SEMA3A: variants seen among roughly 807,000 people sequenced by gnomAD.
The protein encoded by SEMA3A is semaphorin 3A, also known as semaphorin-3A.
SEMA3A carries 29 observed loss-of-function variants against 97.9 expected under a neutral mutation model. The observed-to-expected ratio is 0.30, with a 90% CI of 0.22 to 0.40. SEMA3A has a LOEUF of 0.40. Ranked by LOEUF, SEMA3A falls within the 10% of genes least tolerant of loss-of-function variation. SEMA3A has a pLI of 1.00. For missense variants in SEMA3A, 763 were observed against 951.3 expected (o/e 0.80, Z 2.60); for synonymous variants, 321 against 323.7 (o/e 0.99, Z 0.09).
At chr7:84,177,601 A>G (rs534870848) in intron 1 of SEMA3A, among the ~76,000 whole-genome samples, 11 of 152,214 alleles carry the variant, frequency 7.2e-5, no homozygotes, top group Non-Finnish European at 1.3e-4. Flanking sequence ...GTATATTGAG[A>G]AAAAAACCCT....
At chr7:84,003,438 T>A (rs986677205) in intron 11 of SEMA3A, among the ~76,000 whole-genome samples, 1 of 152,174 alleles carries the variant, frequency 6.6e-6, no homozygotes, top group Non-Finnish European at 1.5e-5. Context: ...TATACTATGA[T>A]GTGCAACTTA....
At chr7:84,216,387 G>A (rs1422143682) in intron 3 of SEMA3A, among the ~76,000 whole-genome samples, 1 of 152,184 alleles carries the variant, frequency 6.6e-6, no homozygotes, top group Non-Finnish European at 1.5e-5. Flanking sequence ...TTACAGGCGT[G>A]AGGTATGTCA....
intron 4 of SEMA3A, among the ~76,000 whole-genome samples, chr7:84,102,967 G>A (rs536618710): frequency 6.6e-6 from 1 of 151,536 alleles, no homozygotes; most frequent in African/African-American, 2.4e-5. Context: ...GGTTTTTTTT[G>A]ACAGTAACTA....
chr7:83,982,992 T>C (rs1461469438), intron 13 of SEMA3A, among the ~76,000 whole-genome samples: 2 of 152,010 alleles, frequency 1.3e-5, no homozygotes, highest in African/African-American at 4.8e-5. Context: ...TTATCTTCAT[T>C]AATATTATTA....
intron 1 of SEMA3A, among the ~76,000 whole-genome samples, chr7:84,476,826 T>C (rs1189057778): frequency 7.2e-5 from 11 of 152,122 alleles, no homozygotes; most frequent in Admixed American, 3.9e-4. Flanking sequence ...TTCACTGTGC[T>C]GACATTAAGT....
intron 6 of SEMA3A, among the ~76,000 whole-genome samples, chr7:84,027,957 T>C (rs1791607835): frequency 6.6e-6 from 1 of 152,218 alleles, no homozygotes; most frequent in Non-Finnish European, 1.5e-5. Flanking sequence ...CAAAAATCAT[T>C]TTCTAAAAGT....
At chr7:84,373,902 T>G (rs533017299) in intron 1 of SEMA3A, among the ~76,000 whole-genome samples, 1 of 152,350 alleles carries the variant, frequency 6.6e-6, no homozygotes, top group Non-Finnish European at 1.5e-5. Flanking sequence ...TTGTATTATA[T>G]TTTTTAACAA....
intron 4 of SEMA3A, among the ~76,000 whole-genome samples, chr7:84,072,238 T>TA (rs1277123306): frequency 5.9e-5 from 9 of 152,120 alleles, no homozygotes; most frequent in Admixed American, 4.6e-4. Context: ...GCCTTGTAAT[T>TA]CTTCACCTGA....
chr7:83,981,509 A>ACTAT, intron 13 of SEMA3A, 31 bp from the exon 14 acceptor site: 1 of 1,523,270 alleles, frequency 6.6e-7, no homozygotes. Flanking sequence ...TGTGACAAAA[A>ACTAT]CTATCTTGTC....
intron 3 of SEMA3A, among the ~76,000 whole-genome samples, chr7:84,224,592 T>A (rs1478485594): frequency 1.3e-5 from 2 of 152,118 alleles, no homozygotes; most frequent in South Asian, 2.1e-4. Context: ...CTATACACAA[T>A]CCATTAAACA....
intron 12 of SEMA3A, among the ~76,000 whole-genome samples, chr7:83,987,665 T>G (rs912247576): frequency 2.2e-4 from 33 of 152,340 alleles, no homozygotes; most frequent in African/African-American, 7.7e-4. Context: ...TTTGCATGAA[T>G]GAATAAATGA....
At chr7:84,474,998 A>C (rs1806244389) in intron 1 of SEMA3A, among the ~76,000 whole-genome samples, 1 of 152,128 alleles carries the variant, frequency 6.6e-6, no homozygotes, top group Admixed American at 6.5e-5. Context: ...AAGAAAAAAA[A>C]GTGAAACATC....
chr7:84,257,147 ACT>A (rs1403802529), intron 3 of SEMA3A, among the ~76,000 whole-genome samples: 1 of 152,032 alleles, frequency 6.6e-6, no homozygotes, highest in Non-Finnish European at 1.5e-5. Flanking sequence ...TTAATTTCTG[ACT>A]CTATAGCAGC....
intron 5 of SEMA3A, among the ~76,000 whole-genome samples, chr7:84,058,735 G>A (rs942928799): frequency 1.3e-5 from 2 of 152,146 alleles, no homozygotes. Flanking sequence ...CCATCTGAAA[G>A]TTCTTTTTCT....
At chr7:84,097,123 A>G (rs759261050) in intron 4 of SEMA3A, among the ~76,000 whole-genome samples, 3 of 152,228 alleles carry the variant, frequency 2.0e-5, no homozygotes, top group African/African-American at 4.8e-5. Context: ...AGGTGAAGCA[A>G]TTTAAATATG....
chr7:84,250,947 C>T (rs1327597795), intron 3 of SEMA3A, among the ~76,000 whole-genome samples: 1 of 152,074 alleles, frequency 6.6e-6, no homozygotes, highest in Non-Finnish European at 1.5e-5. Context: ...ATGCGTATGT[C>T]CAGCACGCAG....
intron 1 of SEMA3A, among the ~76,000 whole-genome samples, chr7:84,409,183 G>A (rs1045834751): frequency 2.0e-5 from 3 of 151,136 alleles, no homozygotes; most frequent in Non-Finnish European, 2.9e-5. Flanking sequence ...AAAATATCTA[G>A]AAGTATTGGA....
chr7:84,388,682 A>G (rs1002268362), intron 1 of SEMA3A, among the ~76,000 whole-genome samples: 5 of 152,148 alleles, frequency 3.3e-5, no homozygotes, highest in East Asian at 3.9e-4. Flanking sequence ...ACTTAGCCCT[A>G]GGAACAGAAT....
intron 1 of SEMA3A, among the ~76,000 whole-genome samples, chr7:84,432,046 C>A (rs1255400419): frequency 6.6e-6 from 1 of 151,928 alleles, no homozygotes; most frequent in Non-Finnish European, 1.5e-5. Flanking sequence ...GGATTATTGA[C>A]CCCCAAAATA....
Sources: allele counts gnomAD v4.1 joint callset (sites outside exome capture counted in the v4.1 genomes callset), GRCh38; gene constraint gnomAD v4.1.1; transcripts MANE v1.5; gene names NCBI Gene and HGNC (gene_info 2026-07-23, HGNC 2026-07-21).